The following BRINP2 variants were observed in gnomAD, a reference collection of about 807,000 sequenced individuals.
The protein encoded by BRINP2 is BMP/retinoic acid-inducible neural-specific protein 2.
In BRINP2, 21 loss-of-function variants were observed where a neutral mutation model predicts 69.2. The ratio of observed to expected loss-of-function variants is 0.30; its 90% confidence interval spans 0.22 to 0.44. BRINP2 has a LOEUF of 0.44. Among genes scored for constraint, BRINP2 ranks in the 20% least tolerant of loss-of-function variants. The pLI, the probability that BRINP2 is intolerant of heterozygous loss-of-function variation, is 1.00. For synonymous variants in BRINP2, 380 were observed against 394.1 expected (o/e 0.96, Z 0.42); for missense variants, 877 against 986.0 (o/e 0.89, Z 1.48).
intron 1 of BRINP2, among the ~76,000 whole-genome samples, chr1:177,195,512 A>C (rs1416345492): frequency 6.7e-6 from 1 of 150,034 alleles, no homozygotes. Flanking sequence ...GACCGCTCTC[A>C]ACCTCAAATC....
intron 1 of BRINP2, among the ~76,000 whole-genome samples, chr1:177,228,172 G>C (rs530039413): frequency 6.6e-6 from 1 of 152,318 alleles, no homozygotes; most frequent in East Asian, 1.9e-4. Flanking sequence ...TCTAAGAGCT[G>C]TCCAGCACAT....
At chr1:177,259,480 A>G (rs886446204) in intron 4 of BRINP2, among the ~76,000 whole-genome samples, 1 of 152,212 alleles carries the variant, frequency 6.6e-6, no homozygotes, top group African/African-American at 2.4e-5. Flanking sequence ...TGGCTACACT[A>G]AACAACAGAT....
intron 1 of BRINP2, among the ~76,000 whole-genome samples, chr1:177,208,133 C>G (rs1479718648): frequency 1.3e-4 from 20 of 152,158 alleles, no homozygotes. Flanking sequence ...GAACACAAAG[C>G]TTTTTATTGT....
chr1:177,185,706 G>A (rs1280701489), intron 1 of BRINP2, among the ~76,000 whole-genome samples: 5 of 152,158 alleles, frequency 3.3e-5, no homozygotes, highest in African/African-American at 7.2e-5. Context: ...AGGAAACTGA[G>A]ACACTGAAAG....
intron 1 of BRINP2, among the ~76,000 whole-genome samples, chr1:177,186,410 AC>A (rs1648426301): frequency 6.6e-6 from 1 of 152,106 alleles, no homozygotes; most frequent in East Asian, 1.9e-4. Flanking sequence ...ACTGAAAGTA[AC>A]GGCAAAAACT....
intron 1 of BRINP2, among the ~76,000 whole-genome samples, chr1:177,215,501 T>C (rs1410181801): frequency 1.3e-5 from 2 of 152,212 alleles, no homozygotes; most frequent in African/African-American, 4.8e-5. Flanking sequence ...AATTCTGTTG[T>C]TAGTGTAGAG....
intron 1 of BRINP2, among the ~76,000 whole-genome samples, chr1:177,175,292 G>C (rs974311817): frequency 2.0e-5 from 3 of 151,926 alleles, no homozygotes; most frequent in African/African-American, 4.8e-5. Context: ...AAGCGGGGTG[G>C]GGGGGGCAGG....
intron 2 of BRINP2, among the ~76,000 whole-genome samples, chr1:177,246,483 C>T (rs1276909335): frequency 2.6e-5 from 4 of 152,146 alleles, no homozygotes; most frequent in Admixed American, 6.5e-5. Flanking sequence ...ATAAAATAAG[C>T]GTGTGTAAAA....
intron 4 of BRINP2, among the ~76,000 whole-genome samples, chr1:177,266,906 T>C (rs1651146318): frequency 1.3e-5 from 2 of 152,160 alleles, no homozygotes; most frequent in Middle Eastern, 3.4e-3. Flanking sequence ...TAAAACTGAA[T>C]GTATGTCAGC....
intron 1 of BRINP2, among the ~76,000 whole-genome samples, chr1:177,224,274 T>G (rs1453499637): frequency 6.6e-6 from 1 of 152,200 alleles, no homozygotes; most frequent in African/African-American, 2.4e-5. Context: ...CTTATATGGC[T>G]TGAAAACTTA....
At chr1:177,197,597 C>T (rs1229099722) in intron 1 of BRINP2, among the ~76,000 whole-genome samples, 1 of 152,130 alleles carries the variant, frequency 6.6e-6, no homozygotes, top group East Asian at 1.9e-4. Context: ...TGTGGTAGGC[C>T]TTGATCTTGA....
chr1:177,262,929 G>A (rs945655609), intron 4 of BRINP2, among the ~76,000 whole-genome samples: 1 of 152,158 alleles, frequency 6.6e-6, no homozygotes, highest in African/African-American at 2.4e-5. Flanking sequence ...CAGCATAGTC[G>A]TAAGTTTTAT....
rs1435340422 is a variant in BRINP2, at chr1:177,230,151, T to A, written c.269+6T>A. The A allele has an allele frequency of 6.3e-7, 1 of 1,589,802 alleles. No individual in the cohort carries two copies. The highest frequency in any genetic ancestry group is 8.6e-7 in the Non-Finnish European group (1 of 1,164,600). ...ACCAGGTACAGGATTTATAGGTAAG[T>A]GGGGGCCTCCACTGAGACAGGGGCT... On this transcript the variant is annotated splice_donor_region_variant and intron_variant, in intron 2 of 7. Coordinates refer to ENST00000361539, the MANE Select transcript of BRINP2 (RefSeq NM_021165.4).
chr1:177,245,647 G>A (rs546725029), intron 2 of BRINP2, among the ~76,000 whole-genome samples: 2 of 152,312 alleles, frequency 1.3e-5, no homozygotes, highest in South Asian at 4.1e-4. Context: ...AGTTTGGGAT[G>A]TCAGGAAAGA....
intron 1 of BRINP2, among the ~76,000 whole-genome samples, chr1:177,191,557 C>T (rs567493434): frequency 3.9e-5 from 6 of 152,258 alleles, no homozygotes; most frequent in South Asian, 2.1e-4. Context: ...TGGGATCAAG[C>T]GATTCTCCTG....
At chr1:177,187,581 A>G (rs1648464548) in intron 1 of BRINP2, among the ~76,000 whole-genome samples, 1 of 152,136 alleles carries the variant, frequency 6.6e-6, no homozygotes, top group Admixed American at 6.5e-5. Flanking sequence ...TGAAGCCTGG[A>G]GGATCAGCTT....
intron 1 of BRINP2, among the ~76,000 whole-genome samples, chr1:177,220,849 T>C (rs1649507656): frequency 6.6e-6 from 1 of 152,104 alleles, no homozygotes; most frequent in Non-Finnish European, 1.5e-5. Context: ...ACGCCTAACC[T>C]GTGGTTTTTG....
rs547711314 is a variant in BRINP2, at chr1:177,231,671, T to A, written c.269+1526T>A. On this transcript the variant is annotated intron_variant, in intron 2 of 7. Coordinates refer to ENST00000361539, the MANE Select transcript of BRINP2 (RefSeq NM_021165.4). ...CTTTCAGGCCATTTTTCTCCCACTG[T>A]GCTTAGATGCAGTCTGGTCCTGGAA... Among the ~76,000 whole-genome samples the A allele has an allele frequency of 2.0e-5, 3 of 152,334 alleles. No homozygotes were observed. The East Asian group carries it at 5.8e-4, about 29-fold the overall frequency.
At chr1:177,174,845 G>A (rs1012985963) in intron 1 of BRINP2, among the ~76,000 whole-genome samples, 1 of 152,202 alleles carries the variant, frequency 6.6e-6, no homozygotes, top group Non-Finnish European at 1.5e-5. Context: ...TCTGTATTAT[G>A]CTGGGCATCT....
Sources: gnomAD v4.1 joint callset for allele counts (sites outside exome capture counted in the v4.1 genomes callset) on GRCh38, gnomAD v4.1.1 for gene constraint, MANE v1.5 for transcripts, NCBI Gene and HGNC (gene_info 2026-07-23, HGNC 2026-07-21) for gene names.